Variants in PRKN observed in about 807,000 individuals in gnomAD.
PRKN encodes the protein parkin RBR E3 ubiquitin protein ligase, also known as E3 ubiquitin-protein ligase parkin.
In PRKN, 56 loss-of-function variants were observed where a neutral mutation model predicts 59.5. That is an observed-to-expected ratio of 0.94 (90% CI 0.76 to 1.18). The LOEUF is 1.18. Among genes scored for constraint, PRKN ranks in the 50% most tolerant of loss-of-function variants. PRKN has a pLI of 0.00. For synonymous variants in PRKN, 250 were observed against 222.1 expected (o/e 1.13, Z -1.12); for missense variants, 657 against 596.4 (o/e 1.10, Z -1.06).
At chr6:162,404,175 G>C (rs1246611990) in intron 2 of PRKN, among the ~76,000 whole-genome samples, 1 of 151,836 alleles carries the variant, frequency 6.6e-6, no homozygotes, top group Non-Finnish European at 1.5e-5. Context: ...TTCGAGACCA[G>C]CCTGACCAAC....
At chr6:161,963,035 CAGG>C (rs1780443003) in intron 6 of PRKN, among the ~76,000 whole-genome samples, 1 of 152,088 alleles carries the variant, frequency 6.6e-6, no homozygotes, top group Non-Finnish European at 1.5e-5. Flanking sequence ...CCCAGCTACT[CAGG>C]AGGCTGAGGC....
chr6:161,453,257 G>T (rs1450230269), intron 9 of PRKN, among the ~76,000 whole-genome samples: 1 of 152,164 alleles, frequency 6.6e-6, no homozygotes, highest in African/African-American at 2.4e-5. Context: ...TAACGTCGTG[G>T]CTCTGTCACT....
At chr6:161,420,018 C>T (rs1273867508) in intron 9 of PRKN, among the ~76,000 whole-genome samples, 1 of 151,952 alleles carries the variant, frequency 6.6e-6, no homozygotes, top group Non-Finnish European at 1.5e-5. Flanking sequence ...GAGGGCGGAT[C>T]ACGAGGTCAA....
chr6:162,687,450 C>G (rs1777613072), intron 1 of PRKN, among the ~76,000 whole-genome samples: 1 of 152,042 alleles, frequency 6.6e-6, no homozygotes, highest in Non-Finnish European at 1.5e-5. Flanking sequence ...TCCCAAAGTG[C>G]TGGGATTACC....
rs1781387396 is a variant in PRKN at position 161,582,749 on chromosome 6, A to G, written c.872-13333T>C. ...GCCTGCAGACTATTATTAATTTTAT[A>G]ATAAGGATAAATGAAACCAGACGTA... On this transcript the variant is annotated intron_variant, in intron 7 of 11. Coordinates refer to ENST00000366898, the MANE Select transcript of PRKN (RefSeq NM_004562.3). The surrounding 1 kb of genome is among the most constrained non-coding windows in gnomAD (Gnocchi z 4.4). Among the ~76,000 whole-genome samples the G allele has an allele frequency of 6.6e-6, 1 of 152,012 alleles. No individual in the cohort carries two copies. The highest frequency in any genetic ancestry group is 1.5e-5 in the Non-Finnish European group (1 of 67,996).
At chr6:161,954,067 T>C (rs1410593853) in intron 6 of PRKN, among the ~76,000 whole-genome samples, 1 of 152,186 alleles carries the variant, frequency 6.6e-6, no homozygotes, top group Admixed American at 6.5e-5. Context: ...AGGCCCTGCA[T>C]GTAAACACAG....
intron 2 of PRKN, among the ~76,000 whole-genome samples, chr6:162,317,224 A>G (rs7771045): frequency 0.62 from 94,510 of 151,846 alleles, 29,825 homozygotes; most frequent in East Asian, 0.73. Context: ...ATCCTCTCAC[A>G]TCAAGGGCAG....
rs1009086039 is a variant in PRKN at position 161,530,467 on chromosome 6, C to A, written c.1083+18387G>T. Among the ~76,000 whole-genome samples the A allele has an allele frequency of 2.6e-5, 4 of 152,156 alleles. No individual in the cohort carries two copies. Among genetic ancestry groups the A allele is most frequent in the African/African-American group, 9.7e-5 (4 of 41,440 alleles). On this transcript the variant is annotated intron_variant, in intron 9 of 11. Coordinates refer to ENST00000366898, the MANE Select transcript of PRKN (RefSeq NM_004562.3). This position sits in a 1 kb window ranked among gnomAD's most constrained non-coding sequence, Gnocchi z 5.0. Reference sequence around the variant, plus strand: ...TGGAGACCAGCAGGAATTGGAGCAGCCTCATTCCGTGTCGAAGAAGACCTA... The same window carrying A: ...TGGAGACCAGCAGGAATTGGAGCAGACTCATTCCGTGTCGAAGAAGACCTA...
At chr6:161,788,768 G>A (rs917728495) in intron 6 of PRKN, among the ~76,000 whole-genome samples, 1 of 152,182 alleles carries the variant, frequency 6.6e-6, no homozygotes, top group Non-Finnish European at 1.5e-5. Flanking sequence ...GTTTCTGCAT[G>A]TCCTCTTCGG....
At chr6:162,018,819 G>A (rs1156595290) in intron 5 of PRKN, among the ~76,000 whole-genome samples, 1 of 152,066 alleles carries the variant, frequency 6.6e-6, no homozygotes, top group Non-Finnish European at 1.5e-5. Flanking sequence ...AGATTACTAT[G>A]TAATGACTTT....
intron 7 of PRKN, among the ~76,000 whole-genome samples, chr6:161,630,665 C>T (rs1295977770): frequency 2.0e-5 from 3 of 152,090 alleles, no homozygotes; most frequent in Non-Finnish European, 2.9e-5. Context: ...TCTCTGGATA[C>T]CCTCTCCGCA....
intron 6 of PRKN, among the ~76,000 whole-genome samples, chr6:161,863,550 T>C (rs1793993327): frequency 1.3e-5 from 2 of 152,176 alleles, no homozygotes; most frequent in South Asian, 4.1e-4. Context: ...ATGTGGTTTT[T>C]CAAAATTGAG....
At chr6:162,213,792 A>C (rs1037626668) in intron 3 of PRKN, among the ~76,000 whole-genome samples, 2 of 141,754 alleles carry the variant, frequency 1.4e-5, no homozygotes, top group South Asian at 2.2e-4. Context: ...AAATATTTCC[A>C]AAAAAAAACC....
chr6:162,260,350 T>C (rs148011127), intron 3 of PRKN, among the ~76,000 whole-genome samples: 1 of 152,310 alleles, frequency 6.6e-6, no homozygotes, highest in Non-Finnish European at 1.5e-5. Context: ...GCTGCTGTCA[T>C]TTACCACATT....
intron 3 of PRKN, among the ~76,000 whole-genome samples, chr6:162,216,756 T>G (rs1302668806): frequency 6.6e-6 from 1 of 152,044 alleles, no homozygotes; most frequent in African/African-American, 2.4e-5. Context: ...ACGGACACAG[T>G]GAGCCCATCA....
intron 4 of PRKN, among the ~76,000 whole-genome samples, chr6:162,082,417 C>G (rs1418489067): frequency 6.6e-6 from 1 of 152,054 alleles, no homozygotes; most frequent in Admixed American, 6.5e-5. Flanking sequence ...CAGCCTTCCT[C>G]TGGATTAGGT....
At chr6:162,665,857 A>T (rs1250876485) in intron 1 of PRKN, among the ~76,000 whole-genome samples, 1 of 152,138 alleles carries the variant, frequency 6.6e-6, no homozygotes, top group African/African-American at 2.4e-5. Flanking sequence ...AGCAGAACAG[A>T]GACCTCAGAA....
chr6:161,656,530 T>A (rs1490840076), intron 7 of PRKN, among the ~76,000 whole-genome samples: 1 of 152,122 alleles, frequency 6.6e-6, no homozygotes, highest in East Asian at 1.9e-4. Context: ...GCAGAGACCT[T>A]CCAGGGACTC....
chr6:162,027,317 AT>A (rs1783472263), intron 5 of PRKN, among the ~76,000 whole-genome samples: 1 of 152,124 alleles, frequency 6.6e-6, no homozygotes, highest in Non-Finnish European at 1.5e-5. Context: ...ACATGTTTCA[AT>A]GTTATAATCA....
Sources: gnomAD v4.1 joint callset for allele counts (sites outside exome capture counted in the v4.1 genomes callset) on GRCh38, gnomAD v4.1.1 for gene constraint, Gnocchi (gnomAD v3.1) non-coding constraint, MANE v1.5 for transcripts, NCBI Gene and HGNC (gene_info 2026-07-23, HGNC 2026-07-21) for gene names.